The following KHDRBS3 variants were observed in gnomAD, a reference collection of about 807,000 sequenced individuals.
KHDRBS3 encodes the protein KH domain-containing, RNA-binding, signal transduction-associated protein 3.
In KHDRBS3, 23 loss-of-function variants were observed where a neutral mutation model predicts 45.6. The ratio of observed to expected loss-of-function variants is 0.50; its 90% CI spans 0.36 to 0.72. The LOEUF is 0.72. KHDRBS3 is among the 30% of genes least tolerant of loss of function. KHDRBS3 has a pLI of 0.00. For synonymous variants in KHDRBS3, 162 were observed against 156.5 expected (o/e 1.04, Z -0.26); for missense variants, 352 against 424.8 (o/e 0.83, Z 1.51).
chr8:135,571,639 A>G (rs534958753), intron 5 of KHDRBS3, among the ~76,000 whole-genome samples: 1 of 152,280 alleles, frequency 6.6e-6, no homozygotes, highest in South Asian at 2.1e-4. Context: ...ATGAACAAAC[A>G]GAAGAAATCA....
intron 1 of KHDRBS3, 29 bp from the exon 2 acceptor site, chr8:135,521,208 A>C: frequency 7.2e-7 from 1 of 1,390,472 alleles, no homozygotes; most frequent in Non-Finnish European, 1.0e-6. Flanking sequence ...TGAGTCATAC[A>C]CTTCATGGTT....
At chr8:135,558,511 T>C (rs1351065658) in intron 5 of KHDRBS3, among the ~76,000 whole-genome samples, 2 of 152,170 alleles carry the variant, frequency 1.3e-5, no homozygotes, top group Non-Finnish European at 2.9e-5. Flanking sequence ...TCCTCAATTA[T>C]GCATTGCTGA....
At chr8:135,597,354 A>G (rs576970789) in intron 6 of KHDRBS3, among the ~76,000 whole-genome samples, 6 of 152,298 alleles carry the variant, frequency 3.9e-5, no homozygotes, top group African/African-American at 1.4e-4. Context: ...AAGTTTCAAC[A>G]TAAATGTTGG....
At position 135,536,982 on chromosome 8, in the gene KHDRBS3, AAAAAAAAAAAAAAAAGG is replaced by A. The variant is rs1243609372; in HGVS notation, c.208-5670_208-5654del. On this transcript the variant is annotated intron_variant, in intron 2 of 8. Transcript: ENST00000355849. ...ACTCCATCTCAAAAAAAAAAAAAAA[AAAAAAAAAAAAAAAAGG>A]AGATGTTTAGGAGGTAAAATCATTA... 4.2e-4 allele frequency among the ~76,000 whole-genome samples: 22 copies of A among 52,794 alleles called. 3 individuals carry two copies. The South Asian group carries it at 9.1e-3, about 22-fold the overall frequency. The allele number at this position is 52,794 out of a possible 152,430, so 34.6% of individuals were successfully genotyped here. A position where few individuals can be genotyped will look rare whatever the true frequency, so the allele number is the denominator to read the frequency against.
At chr8:135,633,126 T>C (rs553929018) in intron 7 of KHDRBS3, among the ~76,000 whole-genome samples, 2 of 152,352 alleles carry the variant, frequency 1.3e-5, no homozygotes, top group South Asian at 4.1e-4. Flanking sequence ...TCTTTCCCAT[T>C]AAAGACAGCT....
intron 1 of KHDRBS3, among the ~76,000 whole-genome samples, chr8:135,520,994 C>A (rs908040252): frequency 6.6e-6 from 1 of 152,146 alleles, no homozygotes; most frequent in African/African-American, 2.4e-5. Context: ...TTTATCTGGT[C>A]TGTTTTTCTC....
intron 6 of KHDRBS3, among the ~76,000 whole-genome samples, chr8:135,592,461 G>A (rs559560982): frequency 6.6e-6 from 1 of 152,268 alleles, no homozygotes; most frequent in South Asian, 2.1e-4. Context: ...GGCTGAGGCA[G>A]GGAAAGGAAC....
At chr8:135,568,614 C>T (rs942464378) in intron 5 of KHDRBS3, among the ~76,000 whole-genome samples, 3 of 151,992 alleles carry the variant, frequency 2.0e-5, no homozygotes, top group African/African-American at 4.8e-5. Context: ...AGAATAAACA[C>T]GGAGAAAAGA....
chr8:135,597,328 C>T (rs918358817), intron 6 of KHDRBS3, among the ~76,000 whole-genome samples: 1 of 152,152 alleles, frequency 6.6e-6, no homozygotes, highest in African/African-American at 2.4e-5. Context: ...TTCTTAATTC[C>T]ACCACAATGG....
At chr8:135,631,163 A>G (rs112933487) in intron 7 of KHDRBS3, among the ~76,000 whole-genome samples, 514 of 137,148 alleles carry the variant, frequency 3.7e-3, no homozygotes, top group Non-Finnish European at 6.0e-3. Flanking sequence ...AGGCAGGGGA[A>G]TTGCTTGAAC....
rs1412367637 is a variant in KHDRBS3 at position 135,535,296 on chromosome 8, A to G, written c.208-7358A>G. The stretch of plus-strand genomic sequence containing the variant: ...AGTTAAACTATATATAAACTATTAT[A>G]TATAGTTAAACTATATATAAACTAT... On this transcript the variant is annotated intron_variant, in intron 2 of 8. Transcript: ENST00000355849. Among the ~76,000 whole-genome samples, 6 of 114,242 alleles carry G rather than the reference A, an allele frequency of 5.3e-5. No individual in the cohort carries two copies. The Admixed American group carries it at 5.8e-4, about 11-fold the overall frequency. 74.9% of individuals were successfully genotyped at this position (114,242 alleles called of 152,430 possible). A position where few individuals can be genotyped will look rare whatever the true frequency, so the allele number is the denominator to read the frequency against.
chr8:135,472,646 T>C (rs2130226379), intron 1 of KHDRBS3, among the ~76,000 whole-genome samples: 1 of 152,296 alleles, frequency 6.6e-6, no homozygotes, highest in Non-Finnish European at 1.5e-5. Context: ...CAAATGTGTT[T>C]TAAGGTTCTG....
At chr8:135,459,049 C>G (rs1821284599) in intron 1 of KHDRBS3, 5 of 435,964 alleles carry the variant, frequency 1.1e-5, no homozygotes, top group Admixed American at 9.9e-5. Flanking sequence ...GATCTGTTAC[C>G]TTTTGCAGGA....
intron 7 of KHDRBS3, among the ~76,000 whole-genome samples, chr8:135,629,435 C>A (rs1235105117): frequency 1.3e-5 from 2 of 152,186 alleles, no homozygotes; most frequent in South Asian, 2.1e-4. Flanking sequence ...TCATTCATTC[C>A]TTCTATCAGT....
At chr8:135,487,268 G>A (rs1422388045) in intron 1 of KHDRBS3, among the ~76,000 whole-genome samples, 1 of 152,178 alleles carries the variant, frequency 6.6e-6, no homozygotes, top group Non-Finnish European at 1.5e-5. Context: ...TGTATACCTG[G>A]TAAAGCTACT....
At chr8:135,504,781 A>C (rs1823906409) in intron 1 of KHDRBS3, among the ~76,000 whole-genome samples, 1 of 152,242 alleles carries the variant, frequency 6.6e-6, no homozygotes, top group Non-Finnish European at 1.5e-5. Flanking sequence ...CATTTAGCTC[A>C]GATAATTTAG....
At chr8:135,654,914 T>C (rs941438244) in intron 4 of KHDRBS3, among the ~76,000 whole-genome samples, 1 of 152,218 alleles carries the variant, frequency 6.6e-6, no homozygotes, top group Non-Finnish European at 1.5e-5. Context: ...TTTATCTCTC[T>C]CAGCCAAAAG....
chr8:135,644,058 G>T (rs1191100303), intron 7 of KHDRBS3, among the ~76,000 whole-genome samples: 2 of 152,112 alleles, frequency 1.3e-5, no homozygotes, highest in Admixed American at 1.3e-4. Context: ...CAGGATGGTG[G>T]TTTCCCTACA....
At chr8:135,628,771 G>T (rs930332909) in intron 7 of KHDRBS3, among the ~76,000 whole-genome samples, 5 of 152,112 alleles carry the variant, frequency 3.3e-5, no homozygotes, top group Non-Finnish European at 7.4e-5. Flanking sequence ...CTGTCTTCCT[G>T]AGTTTTCTTA....
Sources: allele counts gnomAD v4.1 joint callset (sites outside exome capture counted in the v4.1 genomes callset), GRCh38; gene constraint gnomAD v4.1.1; transcripts MANE v1.5; gene names NCBI Gene and HGNC (gene_info 2026-07-23, HGNC 2026-07-21).